The following EPB41 variants were observed in gnomAD, a reference collection of about 807,000 sequenced individuals.
The protein encoded by EPB41 is protein 4.1.
Under a neutral mutation model 108.0 loss-of-function variants are expected in EPB41, and 65 were observed. The observed-to-expected ratio is 0.60, with a 90% CI of 0.49 to 0.74. The LOEUF is 0.74. Ranked by LOEUF, EPB41 falls within the 30% of genes least tolerant of loss-of-function variation. EPB41 has a pLI of 0.00. For synonymous variants in EPB41, 336 were observed against 358.9 expected (o/e 0.94, Z 0.72); for missense variants, 875 against 1,037.0 (o/e 0.84, Z 2.15).
At chr1:28,947,081 G>C (rs2094510423) in intron 1 of EPB41, among the ~76,000 whole-genome samples, 1 of 152,176 alleles carries the variant, frequency 6.6e-6, no homozygotes, top group South Asian at 2.1e-4. Flanking sequence ...GCAAGGGAAG[G>C]CCAAATTAAT....
At chr1:29,054,045 A>G (rs1644952895) in intron 12 of EPB41, 1 of 152,280 alleles carries the variant, frequency 6.6e-6, no homozygotes. Context: ...AAGAACTGGT[A>G]TTACATAAAG....
chr1:29,058,595 A>G lies in EPB41; in HGVS notation c.1852A>G (p.Lys618Glu). ...PEPTEAWKVE[K>E]THIEVTVPTS... is the part of the protein sequence containing the mutation. ...TTTTATTTCTTAAATGTAGGTGGAAAAAACCCACATCGAGGTGACAGTACC... is the reference window on the plus strand; with the variant it reads ...TTTTATTTCTTAAATGTAGGTGGAAGAAACCCACATCGAGGTGACAGTACC... Residue 618 changes from lysine (K) to glutamate (E), a missense_variant, in exon 13 of 21, where the codon AAA (lysine) becomes GAA (glutamate). Lys to Glu is a moderately conservative substitution (Grantham distance 56, BLOSUM62 1). Transcript: ENST00000343067. 3.1e-6 allele frequency: 5 copies of G among 1,613,666 alleles called. No individual in the cohort carries two copies. The highest frequency in any genetic ancestry group is 4.2e-6 in the Non-Finnish European group (5 of 1,179,736).
chr1:28,980,964 G>C (rs4434816), intron 1 of EPB41, among the ~76,000 whole-genome samples: 19,260 of 151,944 alleles, frequency 0.13, 1,496 homozygotes, highest in East Asian at 0.37. Flanking sequence ...GTAGAGACAG[G>C]GTTTTACCAC....
intron 11 of EPB41, among the ~76,000 whole-genome samples, chr1:29,047,242 T>A (rs1233169257): frequency 6.8e-6 from 1 of 146,130 alleles, no homozygotes; most frequent in African/African-American, 2.6e-5. Flanking sequence ...TCTTTTTTCT[T>A]TCTTTCTTTC....
At chr1:28,938,876 T>G (rs1276023411) in intron 1 of EPB41, among the ~76,000 whole-genome samples, 1 of 152,220 alleles carries the variant, frequency 6.6e-6, no homozygotes, top group Non-Finnish European at 1.5e-5. Flanking sequence ...TAGTTTTTTT[T>G]GTGTGGATTC....
intron 17 of EPB41, among the ~76,000 whole-genome samples, chr1:29,098,958 C>A (rs919930534): frequency 1.3e-5 from 2 of 150,870 alleles, no homozygotes; most frequent in African/African-American, 4.9e-5. Context: ...CTCCTGACCT[C>A]AAGTGATCTG....
intron 7 of EPB41, among the ~76,000 whole-genome samples, chr1:29,025,404 C>T (rs1183237527): frequency 6.6e-6 from 1 of 151,736 alleles, no homozygotes; most frequent in Non-Finnish European, 1.5e-5. Context: ...GCTTCCTGGT[C>T]AGGTACTTTT....
intron 1 of EPB41, among the ~76,000 whole-genome samples, chr1:28,944,738 T>C (rs2094434816): frequency 6.6e-6 from 1 of 151,780 alleles, no homozygotes; most frequent in African/African-American, 2.4e-5. Context: ...TTTCACCATG[T>C]TGGCTGGGCT....
At chr1:29,082,769 GT>G (rs1160168461) in intron 16 of EPB41, among the ~76,000 whole-genome samples, 1 of 152,162 alleles carries the variant, frequency 6.6e-6, no homozygotes, top group African/African-American at 2.4e-5. Context: ...TGAGTGCAGT[GT>G]AAAGGCAAAA....
chr1:29,030,350 A>G (rs373151980), intron 7 of EPB41, 50 bp from the exon 8 acceptor site: 70 of 1,365,980 alleles, frequency 5.1e-5, no homozygotes, highest in Non-Finnish European at 6.4e-5. Context: ...GTTACTGTAA[A>G]TGATGACACT....
At chr1:28,895,768 G>T (rs2090596779) in intron 1 of EPB41, among the ~76,000 whole-genome samples, 1 of 152,182 alleles carries the variant, frequency 6.6e-6, no homozygotes, top group Non-Finnish European at 1.5e-5. Context: ...GATTATAGGT[G>T]TGAGCCACCA....
chr1:29,081,901 T>G (rs539647810), intron 16 of EPB41, among the ~76,000 whole-genome samples: 1 of 152,196 alleles, frequency 6.6e-6, no homozygotes, highest in Non-Finnish European at 1.5e-5. Context: ...TCAAAGTATG[T>G]ACCTTGTGAT....
intron 7 of EPB41, among the ~76,000 whole-genome samples, chr1:29,025,356 G>A (rs768787968): frequency 2.0e-5 from 3 of 151,960 alleles, no homozygotes; most frequent in Non-Finnish European, 2.9e-5. Flanking sequence ...AAACTTTATT[G>A]TAACTTCTCT....
At chr1:28,910,746 C>CT (rs1175598138), upstream of EPB41, among the ~76,000 whole-genome samples, 346 of 151,702 alleles carry the variant, frequency 2.3e-3, 1 homozygote, top group Non-Finnish European at 3.4e-3. Context: ...TTCACACTGT[C>CT]TTTTTTTTTC....
Position 29,018,536 on chromosome 1 carries a change from T to A in EPB41, c.1124+94T>A. ...TTCATTGTTTGCCTAAGAGGGATCATGGTGCCATAGAAAGAGTCAGTTTCC... is the reference window on the plus strand; with the variant it reads ...TTCATTGTTTGCCTAAGAGGGATCAAGGTGCCATAGAAAGAGTCAGTTTCC... On this transcript the variant is annotated intron_variant, in intron 7 of 20. Transcript: ENST00000343067. This position sits in a 1 kb window ranked among gnomAD's most constrained non-coding sequence, Gnocchi z 4.4. The A allele has an allele frequency of 7.9e-7, 1 of 1,260,232 alleles. No individual in the cohort carries two copies. Among genetic ancestry groups the A allele is most frequent in the Non-Finnish European group, 1.2e-6 (1 of 863,628 alleles). The allele number at this position is 1,260,232 out of a possible 1,614,324, so 78.1% of individuals were successfully genotyped here. A position where few individuals can be genotyped will look rare whatever the true frequency, so the allele number is the denominator to read the frequency against.
Position 29,018,566 on chromosome 1 carries a change from CTGTT to C in EPB41, c.1124+127_1124+130del. 9.9e-7 allele frequency: 1 copy of C among 1,010,202 alleles called. No individual in the cohort carries two copies. The highest frequency in any genetic ancestry group is 1.3e-5 in the South Asian group (1 of 75,646). The allele number at this position is 1,010,202 out of a possible 1,614,324, so 62.6% of individuals were successfully genotyped here. ...CCATAGAAAGAGTCAGTTTCCTCCA[CTGTT>C]TGACTTTGGGCAGGTTACTTAACCT... On this transcript the variant is annotated intron_variant, in intron 7 of 20. Coordinates refer to ENST00000343067, the MANE Select transcript of EPB41 (RefSeq NM_001376013.1). This position sits in a 1 kb window ranked among gnomAD's most constrained non-coding sequence, Gnocchi z 4.4.
chr1:28,899,574 A>G (rs951545711), intron 1 of EPB41, among the ~76,000 whole-genome samples: 1 of 152,050 alleles, frequency 6.6e-6, no homozygotes, highest in African/African-American at 2.4e-5. Flanking sequence ...GGCTGGGGGG[A>G]AAGTGATGGA....
intron 11 of EPB41, among the ~76,000 whole-genome samples, chr1:29,044,008 A>G (rs1572973601): frequency 6.6e-6 from 1 of 152,236 alleles, no homozygotes; most frequent in African/African-American, 2.4e-5. Flanking sequence ...AGAGTAGCAG[A>G]GTTGGGGATA....
upstream of EPB41, among the ~76,000 whole-genome samples, chr1:28,913,362 C>T (rs1380928835): frequency 1.3e-5 from 2 of 152,094 alleles, no homozygotes; most frequent in Non-Finnish European, 2.9e-5. Flanking sequence ...CGCTTGAACC[C>T]GGGAGGCAGA....
Sources: gnomAD v4.1 joint callset for allele counts (sites outside exome capture counted in the v4.1 genomes callset) on GRCh38, gnomAD v4.1.1 for gene constraint, Gnocchi (gnomAD v3.1) non-coding constraint, MANE v1.5 for transcripts, NCBI Gene and HGNC (gene_info 2026-07-23, HGNC 2026-07-21) for gene names.